Variants in EHBP1 observed in about 807,000 individuals in gnomAD.
The protein encoded by EHBP1 is EH domain-binding protein 1.
In EHBP1, 55 loss-of-function variants were observed where a neutral mutation model predicts 144.0. The ratio of observed to expected loss-of-function variants is 0.38; its 90% CI spans 0.31 to 0.48. The LOEUF is 0.48. EHBP1 is among the 20% of genes least tolerant of loss of function. EHBP1 has a pLI of 0.98. For synonymous variants in EHBP1, 469 were observed against 472.7 expected, an observed-to-expected ratio of 0.99 and a Z score of 0.10; for missense variants, 1,200 against 1,364.2, an observed-to-expected ratio of 0.88 and a Z score of 1.90.
intron 10 of EHBP1, among the ~76,000 whole-genome samples, chr2:62,926,202 C>T (rs1341574814): frequency 1.3e-5 from 2 of 152,026 alleles, no homozygotes; most frequent in Non-Finnish European, 2.9e-5. Context: ...TATTCTGGAA[C>T]TAGACTGCCA....
chr2:62,859,382 A>T, intron 8 of EHBP1, 91 bp downstream of exon 8: 1 of 1,244,022 alleles, frequency 8.0e-7, no homozygotes, highest in Non-Finnish European at 1.1e-6. Context: ...AGAGACTAAC[A>T]CACAAAAAAT....
At chr2:62,775,189 T>A (rs1352585287) in intron 5 of EHBP1, among the ~76,000 whole-genome samples, 1 of 152,206 alleles carries the variant, frequency 6.6e-6, no homozygotes, top group Non-Finnish European at 1.5e-5. Context: ...ATGAATATTG[T>A]AAGGTATGGG....
Position 62,826,078 on chromosome 2 carries a change from A to G in EHBP1, c.313-9A>G, listed in dbSNP as rs768603664. 6.9e-7 allele frequency: 1 copy of G among 1,440,618 alleles called. No homozygotes were observed. The highest frequency in any genetic ancestry group is 2.6e-5 in the Admixed American group (1 of 37,790). 89.2% of individuals were successfully genotyped at this position (1,440,618 alleles called of 1,614,324 possible). A position where few individuals can be genotyped will look rare whatever the true frequency, so the allele number is the denominator to read the frequency against. ...AAATTACATACTTTTTTTTTCTTTAATCTTCCAGGAATCCCCTTCTGGTCG... is the reference window on the plus strand; with the variant it reads ...AAATTACATACTTTTTTTTTCTTTAGTCTTCCAGGAATCCCCTTCTGGTCG... On this transcript the variant is annotated splice_polypyrimidine_tract_variant and intron_variant, in intron 5 of 22. Transcript: ENST00000431489.
At position 62,829,525 on chromosome 2, in the gene EHBP1, A is replaced by G. The variant is rs954835949; in HGVS notation, c.495-1494A>G. ...TCTCCAACTCCATCCAGGTTGCTGC[A>G]AATGCCATTATTTTGTTCCTTTTTA... On this transcript the variant is annotated intron_variant, in intron 6 of 22. Coordinates refer to ENST00000431489, the MANE Select transcript of EHBP1 (RefSeq NM_001142616.3). Among the ~76,000 whole-genome samples the G allele has an allele frequency of 2.0e-5, 3 of 151,092 alleles. No homozygotes were observed. In the East Asian group the frequency reaches 5.8e-4, roughly 29 times the overall value.
intron 8 of EHBP1, among the ~76,000 whole-genome samples, chr2:62,864,048 T>C (rs1482697713): frequency 1.3e-5 from 2 of 151,952 alleles, no homozygotes; most frequent in Admixed American, 6.6e-5. Context: ...GGTTTCACCA[T>C]GTTGGCCAGG....
intron 5 of EHBP1, among the ~76,000 whole-genome samples, chr2:62,799,003 C>CA (rs757731955): frequency 0.26 from 19,924 of 76,376 alleles, 2,664 homozygotes; most frequent in Middle Eastern, 0.36. Flanking sequence ...GACTCCGTCT[C>CA]AAAAAAAAAA....
At chr2:62,762,820 G>A (rs2040867503) in intron 3 of EHBP1, among the ~76,000 whole-genome samples, 1 of 151,650 alleles carries the variant, frequency 6.6e-6, no homozygotes, top group Non-Finnish European at 1.5e-5. Context: ...CAAAACATTA[G>A]CCAATATAAG....
chr2:62,917,031 T>A (rs1431724922), intron 10 of EHBP1, among the ~76,000 whole-genome samples: 1 of 152,096 alleles, frequency 6.6e-6, no homozygotes, highest in Admixed American at 6.6e-5. Context: ...CATTAGGCAG[T>A]TTTGTCATTA....
At chr2:62,754,799 A>G (rs1395324841) in intron 3 of EHBP1, among the ~76,000 whole-genome samples, 2 of 152,212 alleles carry the variant, frequency 1.3e-5, no homozygotes, top group African/African-American at 2.4e-5. Flanking sequence ...GGAGCGGGAT[A>G]TAATCTCCTG....
At chr2:62,906,152 CTT>C (rs769180078) in intron 10 of EHBP1, among the ~76,000 whole-genome samples, 60 of 134,960 alleles carry the variant, frequency 4.4e-4, no homozygotes, top group Admixed American at 8.2e-4. Context: ...GTTATTTTGT[CTT>C]TTTTTTTTTT....
chr2:62,791,897 TA>T (rs1193941944), intron 5 of EHBP1, among the ~76,000 whole-genome samples: 1 of 152,030 alleles, frequency 6.6e-6, no homozygotes, highest in African/African-American at 2.4e-5. Flanking sequence ...GGGTTATTTT[TA>T]ATGTTAATGT....
intron 10 of EHBP1, among the ~76,000 whole-genome samples, chr2:62,915,726 T>C (rs199991215): frequency 1.3e-5 from 2 of 151,930 alleles, no homozygotes; most frequent in Non-Finnish European, 2.9e-5. Flanking sequence ...AAATTTTTTT[T>C]AAAATAATTG....
At chr2:62,815,718 A>G (rs1055170783) in intron 5 of EHBP1, among the ~76,000 whole-genome samples, 14 of 152,226 alleles carry the variant, frequency 9.2e-5, no homozygotes, top group Admixed American at 6.5e-4. Context: ...GTCAATGACA[A>G]AGTTTGAGCT....
intron 7 of EHBP1, among the ~76,000 whole-genome samples, chr2:62,842,683 T>G (rs1321707949): frequency 6.6e-6 from 1 of 152,238 alleles, no homozygotes; most frequent in Non-Finnish European, 1.5e-5. Context: ...TGAGTTTTTA[T>G]AATTCCAGTG....
At chr2:63,000,763 G>A (rs2059818253) in intron 19 of EHBP1, among the ~76,000 whole-genome samples, 1 of 151,820 alleles carries the variant, frequency 6.6e-6, no homozygotes, top group South Asian at 2.1e-4. Flanking sequence ...TTTACCTTGG[G>A]GTCTATAAAA....
At chr2:62,873,493 GT>G (rs2152841934) in intron 9 of EHBP1, among the ~76,000 whole-genome samples, 1 of 152,134 alleles carries the variant, frequency 6.6e-6, no homozygotes. Flanking sequence ...ACAGGAAGTT[GT>G]TCAACATATA....
chr2:62,707,422 G>T (rs1256886063), intron 2 of EHBP1, 127 bp downstream of exon 2: 2 of 666,716 alleles, frequency 3.0e-6, no homozygotes, highest in African/African-American at 1.8e-5. Flanking sequence ...TGGGTGGGGC[G>T]CAGATAACTC....
intron 10 of EHBP1, among the ~76,000 whole-genome samples, chr2:62,924,067 G>A (rs781118483): frequency 1.3e-5 from 2 of 152,140 alleles, no homozygotes; most frequent in Admixed American, 6.5e-5. Context: ...CAGCCATCCT[G>A]TGGATCGCCC....
chr2:62,824,150 T>C (rs2046179081), intron 5 of EHBP1, among the ~76,000 whole-genome samples: 1 of 152,046 alleles, frequency 6.6e-6, no homozygotes, highest in African/African-American at 2.4e-5. Flanking sequence ...ATAAAAAATC[T>C]AGACTTTTGC....
Sources: gnomAD v4.1 joint callset for allele counts (sites outside exome capture counted in the v4.1 genomes callset) on GRCh38, gnomAD v4.1.1 for gene constraint, MANE v1.5 for transcripts, NCBI Gene and HGNC (gene_info 2026-07-23, HGNC 2026-07-21) for gene names.